ST6GAL2: variants seen among roughly 807,000 people sequenced by gnomAD.
ST6GAL2 encodes the protein beta-galactoside alpha-2,6-sialyltransferase 2.
Under a neutral mutation model 37.5 loss-of-function variants are expected in ST6GAL2, and 24 were observed. The observed-to-expected ratio is 0.64, with a 90% CI of 0.46 to 0.90. ST6GAL2 has a LOEUF of 0.90. ST6GAL2 is among the 40% of genes least tolerant of loss of function. The probability of loss-of-function intolerance (pLI) is 0.00; values close to 1 mark genes in which losing one functional copy is unlikely to be tolerated. For missense variants in ST6GAL2, 715 were observed against 712.7 expected (o/e 1.00, Z -0.04); for synonymous variants, 306 against 295.1 (o/e 1.04, Z -0.38).
chr2:106,825,910 C>G (rs991000361), intron 5 of ST6GAL2, among the ~76,000 whole-genome samples: 1 of 152,120 alleles, frequency 6.6e-6, no homozygotes, highest in Non-Finnish European at 1.5e-5. Flanking sequence ...CACCACCTTT[C>G]GCCTATATGA....
Position 106,820,663 on chromosome 2 carries a change from T to C in ST6GAL2, c.1318+9403A>G, listed in dbSNP as rs1200719089. Among the ~76,000 whole-genome samples, 4 of 152,082 alleles carry C rather than the reference T, an allele frequency of 2.6e-5. No individual in the cohort carries two copies. In the East Asian group the frequency reaches 7.7e-4, roughly 29 times the overall value. On this transcript the variant is annotated intron_variant, in intron 5 of 5. Coordinates refer to ENST00000409382, the MANE Select transcript of ST6GAL2 (RefSeq NM_001142351.2). The stretch of plus-strand genomic sequence containing the variant: ...ATTATTTACAAAACATTTCATCCAA[T>C]GGCTGCAGAATACACATTCTTTTCC...
chr2:106,842,230 G>A (rs1040320402), intron 2 of ST6GAL2, among the ~76,000 whole-genome samples: 1 of 152,200 alleles, frequency 6.6e-6, no homozygotes, highest in African/African-American at 2.4e-5. Context: ...TCTCTGTATA[G>A]ACACATATCC....
intron 2 of ST6GAL2, among the ~76,000 whole-genome samples, chr2:106,839,341 C>A (rs1040210517): frequency 6.6e-6 from 1 of 152,094 alleles, no homozygotes; most frequent in African/African-American, 2.4e-5. Flanking sequence ...TTCTCTCTAC[C>A]AGCCCTCAGG....
chr2:106,851,026 T>C (rs1677338801), intron 1 of ST6GAL2, among the ~76,000 whole-genome samples: 1 of 152,206 alleles, frequency 6.6e-6, no homozygotes, highest in Non-Finnish European at 1.5e-5. Flanking sequence ...GTCGAGTTCT[T>C]GCCAGTTTTC....
At chr2:106,813,286 A>G in intron 5 of ST6GAL2, 1 of 1,191,552 alleles carries the variant, frequency 8.4e-7, no homozygotes. Context: ...TTGTGACTCA[A>G]GAGGCATTCA....
intron 1 of ST6GAL2, among the ~76,000 whole-genome samples, chr2:106,862,803 G>GA (rs1428855676): frequency 6.6e-6 from 1 of 152,024 alleles, no homozygotes; most frequent in Non-Finnish European, 1.5e-5. Flanking sequence ...GCAGGGCATA[G>GA]AAAAAACATT....
chr2:106,865,729 A>C (rs1677999968), intron 1 of ST6GAL2, among the ~76,000 whole-genome samples: 1 of 152,216 alleles, frequency 6.6e-6, no homozygotes, highest in South Asian at 2.1e-4. Flanking sequence ...AGACACAAGG[A>C]AACAAAGGTA....
chr2:106,880,663 T>C (rs1342867329), intron 1 of ST6GAL2, among the ~76,000 whole-genome samples: 1 of 152,376 alleles, frequency 6.6e-6, no homozygotes, highest in South Asian at 2.1e-4. Flanking sequence ...TAAACATTTT[T>C]GTTGGTTTCT....
At chr2:106,811,343 A>G (rs1675602346) in intron 5 of ST6GAL2, among the ~76,000 whole-genome samples, 1 of 152,168 alleles carries the variant, frequency 6.6e-6, no homozygotes, top group South Asian at 2.1e-4. Flanking sequence ...CATACATAAC[A>G]ATAGCTCTTA....
intron 5 of ST6GAL2, among the ~76,000 whole-genome samples, chr2:106,813,927 C>A (rs545167111): frequency 2.8e-4 from 43 of 152,294 alleles, no homozygotes; most frequent in Admixed American, 7.8e-4. Context: ...ACTCTAGGAG[C>A]TGTTTTGTGG....
chr2:106,865,106 A>C (rs1450567976), intron 1 of ST6GAL2, among the ~76,000 whole-genome samples: 2 of 152,234 alleles, frequency 1.3e-5, no homozygotes, highest in Non-Finnish European at 2.9e-5. Context: ...CAATAAAAGT[A>C]AATAACTTCC....
intron 1 of ST6GAL2, among the ~76,000 whole-genome samples, chr2:106,860,840 T>C (rs1677770194): frequency 6.6e-6 from 1 of 152,180 alleles, no homozygotes; most frequent in Non-Finnish European, 1.5e-5. Flanking sequence ...ATACAATGGA[T>C]ATGGAAACTT....
At chr2:106,855,763 T>A (rs1677550555) in intron 1 of ST6GAL2, among the ~76,000 whole-genome samples, 1 of 152,242 alleles carries the variant, frequency 6.6e-6, no homozygotes, top group African/African-American at 2.4e-5. Context: ...TTGTAAAAAG[T>A]TCTAAAATAA....
At chr2:106,879,258 A>G (rs1678642080) in intron 1 of ST6GAL2, among the ~76,000 whole-genome samples, 1 of 152,200 alleles carries the variant, frequency 6.6e-6, no homozygotes, top group African/African-American at 2.4e-5. Context: ...TGATGATAAT[A>G]CAGCATGATG....
chr2:106,816,360 A>T (rs1039955934), intron 5 of ST6GAL2, among the ~76,000 whole-genome samples: 2 of 152,246 alleles, frequency 1.3e-5, no homozygotes, highest in Non-Finnish European at 2.9e-5. Context: ...GAATTCCAAG[A>T]AATAATCTTG....
intron 5 of ST6GAL2, among the ~76,000 whole-genome samples, chr2:106,816,702 C>T (rs1675811488): frequency 6.6e-6 from 1 of 152,168 alleles, no homozygotes; most frequent in African/African-American, 2.4e-5. Flanking sequence ...ATTAATTGTC[C>T]TGCCAGCAGG....
chr2:106,813,177 A>G, intron 5 of ST6GAL2: 1 of 1,336,742 alleles, frequency 7.5e-7, no homozygotes. Flanking sequence ...CAGTCGCGTG[A>G]TCTCGGCTCA....
At chr2:106,870,860 G>C (rs991505183) in intron 1 of ST6GAL2, among the ~76,000 whole-genome samples, 3 of 152,156 alleles carry the variant, frequency 2.0e-5, no homozygotes, top group Non-Finnish European at 4.4e-5. Context: ...GGCTCATAAG[G>C]AAAATGAAAA....
chr2:106,859,401 G>T (rs1047987376), intron 1 of ST6GAL2, among the ~76,000 whole-genome samples: 1 of 152,036 alleles, frequency 6.6e-6, no homozygotes, highest in African/African-American at 2.4e-5. Context: ...TTTCTCCCCT[G>T]GACTGCAGAT....
Sources: gnomAD v4.1 joint callset for allele counts (sites outside exome capture counted in the v4.1 genomes callset) on GRCh38, gnomAD v4.1.1 for gene constraint, MANE v1.5 for transcripts, NCBI Gene and HGNC (gene_info 2026-07-23, HGNC 2026-07-21) for gene names.